Variants in HSD17B12 observed in about 807,000 individuals in gnomAD.
HSD17B12 encodes hydroxysteroid 17-beta dehydrogenase 12.
HSD17B12 carries 32 observed loss-of-function variants against 39.3 expected under a neutral mutation model. That is an observed-to-expected ratio of 0.81 (90% CI 0.61 to 1.09). The LOEUF is 1.09. HSD17B12 is among the 50% of genes least tolerant of loss of function. The pLI is 0.00. For synonymous variants in HSD17B12, 150 were observed against 146.7 expected, an observed-to-expected ratio of 1.02 and a Z score of -0.16; for missense variants, 342 against 382.9, an observed-to-expected ratio of 0.89 and a Z score of 0.89.
At chr11:43,623,717 T>C in the HSD17B12 span, among the ~76,000 whole-genome samples, 1 of 152,166 alleles carries the variant, frequency 6.6e-6, no homozygotes, top group South Asian at 2.1e-4. Context: ...ACTCACATTT[T>C]CCTGCCTATA....
At chr11:43,648,063 A>T in the HSD17B12 span, among the ~76,000 whole-genome samples, 2 of 152,126 alleles carry the variant, frequency 1.3e-5, no homozygotes, top group Admixed American at 1.3e-4. Context: ...GATCGTATGC[A>T]TATGTCCTAC....
intron 4 of HSD17B12, among the ~76,000 whole-genome samples, chr11:43,812,360 C>G (rs916723882): frequency 1.3e-5 from 2 of 152,208 alleles, no homozygotes; most frequent in African/African-American, 4.8e-5. Flanking sequence ...ATTCTGCTTT[C>G]TCTGCGTCCT....
chr11:43,785,751 A>AT (rs1031546361), intron 3 of HSD17B12, among the ~76,000 whole-genome samples: 1 of 152,146 alleles, frequency 6.6e-6, no homozygotes, highest in Non-Finnish European at 1.5e-5. Context: ...AATTATATCA[A>AT]TTTTTTACAC....
the HSD17B12 span, among the ~76,000 whole-genome samples, chr11:43,657,119 T>C: frequency 2.6e-5 from 4 of 152,140 alleles, no homozygotes; most frequent in Non-Finnish European, 4.4e-5. Context: ...GGATACTTAG[T>C]TCTTCTTGTT....
intron 6 of HSD17B12, among the ~76,000 whole-genome samples, chr11:43,828,565 A>G (rs546132460): frequency 6.6e-6 from 1 of 151,012 alleles, no homozygotes; most frequent in African/African-American, 2.4e-5. Context: ...ATTCTTAACC[A>G]CTGAACTTGC....
At chr11:43,784,527 G>A (rs1051003878) in intron 3 of HSD17B12, among the ~76,000 whole-genome samples, 1 of 151,876 alleles carries the variant, frequency 6.6e-6, no homozygotes, top group African/African-American at 2.4e-5. Flanking sequence ...TCACTTATTA[G>A]TTGAAGTTCT....
At chr11:43,635,879 G>A in the HSD17B12 span, among the ~76,000 whole-genome samples, 1 of 152,204 alleles carries the variant, frequency 6.6e-6, no homozygotes, top group Non-Finnish European at 1.5e-5. Context: ...TGTTGGGATA[G>A]CATTTGTTTA....
At chr11:43,627,550 A>G in the HSD17B12 span, among the ~76,000 whole-genome samples, 1 of 151,978 alleles carries the variant, frequency 6.6e-6, no homozygotes. Flanking sequence ...TGCCAATATC[A>G]ATGAAAGCTT....
At chr11:43,722,452 C>A (rs11826768) in intron 1 of HSD17B12, among the ~76,000 whole-genome samples, 1,980 of 152,284 alleles carry the variant, frequency 0.013, 48 homozygotes, top group African/African-American at 0.045. Context: ...TCACTCACAC[C>A]TGTAATCCCA....
At chr11:43,632,599 T>G in the HSD17B12 span, among the ~76,000 whole-genome samples, 4 of 152,174 alleles carry the variant, frequency 2.6e-5, no homozygotes, top group African/African-American at 4.8e-5. Flanking sequence ...CAAACTAACT[T>G]ATTTATTGAT....
At chr11:43,850,667 A>G (rs1220961806) in intron 9 of HSD17B12, among the ~76,000 whole-genome samples, 2 of 151,762 alleles carry the variant, frequency 1.3e-5, no homozygotes, top group Non-Finnish European at 2.9e-5. Flanking sequence ...TCTTTCCACT[A>G]CTCCATGGCC....
the HSD17B12 span, chr11:43,579,367 T>C: frequency 6.6e-6 from 1 of 151,732 alleles, no homozygotes; most frequent in South Asian, 2.1e-4. Context: ...GTAACTTATA[T>C]ACTTACCTGG....
chr11:43,581,565 G>T, the HSD17B12 span: 1 of 413,698 alleles, frequency 2.4e-6, no homozygotes. The surrounding 1 kb of genome is among the most constrained non-coding windows in gnomAD (Gnocchi z 4.9). Context: ...GCCTTACCCG[G>T]CCCTTTCCCC....
intron 3 of HSD17B12, among the ~76,000 whole-genome samples, chr11:43,781,328 TTGTC>T (rs766764360): frequency 3.9e-5 from 6 of 152,224 alleles, no homozygotes; most frequent in Non-Finnish European, 8.8e-5. Flanking sequence ...TTAAAAATGT[TTGTC>T]TGTATATGCT....
intron 3 of HSD17B12, among the ~76,000 whole-genome samples, chr11:43,792,400 A>T (rs1950875867): frequency 1.3e-5 from 2 of 152,156 alleles, no homozygotes; most frequent in Non-Finnish European, 2.9e-5. Flanking sequence ...TATTTTTAAG[A>T]TGCTAAAATT....
the HSD17B12 span, among the ~76,000 whole-genome samples, chr11:43,660,101 G>T: frequency 6.6e-6 from 1 of 152,092 alleles, no homozygotes; most frequent in African/African-American, 2.4e-5. Context: ...CGTGCTAGTG[G>T]AGTGTTATCA....
intron 1 of HSD17B12, among the ~76,000 whole-genome samples, chr11:43,734,848 G>T (rs1240626816): frequency 6.6e-6 from 1 of 152,152 alleles, no homozygotes; most frequent in Non-Finnish European, 1.5e-5. Flanking sequence ...TCACACTGCT[G>T]TGCAACTTTC....
At chr11:43,814,116 T>C (rs1439930416) in intron 4 of HSD17B12, among the ~76,000 whole-genome samples, 4 of 152,200 alleles carry the variant, frequency 2.6e-5, no homozygotes, top group African/African-American at 9.6e-5. Context: ...ACTTCATAAT[T>C]TTATTAAACA....
chr11:43,637,185 A>AGTG, the HSD17B12 span, among the ~76,000 whole-genome samples: 2 of 147,104 alleles, frequency 1.4e-5, no homozygotes, highest in African/African-American at 4.9e-5. Flanking sequence ...TGATGATGGT[A>AGTG]GTGACTGGAT....
Sources: allele counts gnomAD v4.1 joint callset (sites outside exome capture counted in the v4.1 genomes callset), GRCh38; gene constraint gnomAD v4.1.1; non-coding constraint Gnocchi (gnomAD v3.1); transcripts MANE v1.5; gene names NCBI Gene and HGNC (gene_info 2026-07-23, HGNC 2026-07-21).